Variants in CCDC179 observed in about 807,000 individuals in gnomAD.
CCDC179 encodes coiled-coil domain-containing protein 179.
Under a neutral mutation model 12.0 loss-of-function variants are expected in CCDC179, and 17 were observed. The observed-to-expected ratio is 1.42, with a 90% CI of 0.97 to 2.13. The LOEUF (loss-of-function observed/expected upper bound fraction) is 2.13. Ranked by LOEUF, CCDC179 falls within the 30% of genes most tolerant of loss-of-function variation. The pLI is 0.00. For missense variants in CCDC179, 83 were observed against 78.6 expected (o/e 1.06, Z -0.21); for synonymous variants, 27 against 26.4 (o/e 1.02, Z -0.07).
chr11:22,859,578 A>C, intron 1 of CCDC179, 82 bp from the exon 2 acceptor site: 1 of 747,940 alleles, frequency 1.3e-6, no homozygotes, highest in Non-Finnish European at 1.9e-6. Context: ...TAGGAAGCCT[A>C]TGCTACTTTT....
intron 3 of CCDC179, among the ~76,000 whole-genome samples, chr11:22,853,052 A>T (rs1858448430): frequency 6.6e-6 from 1 of 152,208 alleles, no homozygotes; most frequent in Admixed American, 6.5e-5. Context: ...ACCAAAAATA[A>T]GGAGGAAGAC....
intron 3 of CCDC179, among the ~76,000 whole-genome samples, chr11:22,853,229 G>C (rs1858453738): frequency 6.6e-6 from 1 of 152,052 alleles, no homozygotes; most frequent in Non-Finnish European, 1.5e-5. Context: ...AGAACTACAA[G>C]ACACACTAAA....
intron 3 of CCDC179, among the ~76,000 whole-genome samples, chr11:22,852,044 T>G (rs994127138): frequency 6.6e-6 from 1 of 152,184 alleles, no homozygotes; most frequent in African/African-American, 2.4e-5. Context: ...CTAAATAAAT[T>G]GGGTTTTACC....
chr11:22,859,422 C>A, intron 2 of CCDC179, 30 bp downstream of exon 2: 1 of 1,450,736 alleles, frequency 6.9e-7, no homozygotes, highest in Non-Finnish European at 9.1e-7. Flanking sequence ...GTTTAAACAA[C>A]CAGAACCTAG....
rs117375846 is a variant in CCDC179 at position 22,859,097 on chromosome 11, G to T, written c.90+355C>A. On this transcript the variant is annotated intron_variant, in intron 2 of 3. Coordinates refer to ENST00000532798, the MANE Select transcript of CCDC179 (RefSeq NM_001195637.2). ...GATGTAGCTAAAATTCAAGATGGAGGTCACCTCTGGGAGAGACCTTAGGAG... is the reference window on the plus strand; with the variant it reads ...GATGTAGCTAAAATTCAAGATGGAGTTCACCTCTGGGAGAGACCTTAGGAG... Among the ~76,000 whole-genome samples the T allele has an allele frequency of 5.2e-3, 788 of 152,130 alleles. 8 individuals carry two copies. The highest frequency in any genetic ancestry group is 8.6e-3 in the Non-Finnish European group (586 of 67,938).
intron 3 of CCDC179, among the ~76,000 whole-genome samples, chr11:22,853,557 C>A: frequency 6.6e-6 from 1 of 151,706 alleles, no homozygotes; most frequent in Non-Finnish European, 1.5e-5. Flanking sequence ...TAGAAACTTT[C>A]CAAACTAACG....
intron 3 of CCDC179, among the ~76,000 whole-genome samples, chr11:22,848,413 C>T (rs1205145763): frequency 2.0e-5 from 3 of 151,784 alleles, no homozygotes; most frequent in Admixed American, 6.6e-5. Flanking sequence ...CACTGCACCC[C>T]AGCCTGGCCG....
intron 3 of CCDC179, among the ~76,000 whole-genome samples, chr11:22,857,578 G>T (rs1858556656): frequency 6.6e-6 from 1 of 151,558 alleles, no homozygotes; most frequent in Admixed American, 6.6e-5. Flanking sequence ...ATACATAAGA[G>T]AACTAATGTG....
At chr11:22,851,794 C>G (rs1374052866) in intron 3 of CCDC179, among the ~76,000 whole-genome samples, 3 of 152,118 alleles carry the variant, frequency 2.0e-5, no homozygotes, top group Non-Finnish European at 4.4e-5. Context: ...GCTGGAGGCT[C>G]AGTATGCATG....
Position 22,846,975 on chromosome 11 carries a change from A to C in CCDC179, c.*535T>G, listed in dbSNP as rs1858236448. Reference sequence around the variant, plus strand: ...ATTTCATACCTAAAAGTAAAATTTTAATTCAATATTCAAATTTTACCTTAA... The same window carrying C: ...ATTTCATACCTAAAAGTAAAATTTTCATTCAATATTCAAATTTTACCTTAA... On this transcript the variant is annotated 3_prime_UTR_variant, in exon 4 of 4. Coordinates refer to ENST00000532798, the MANE Select transcript of CCDC179 (RefSeq NM_001195637.2). 6.6e-6 allele frequency: 1 copy of C among 152,100 alleles called. No homozygotes were observed. The highest frequency in any genetic ancestry group is 6.6e-5 in the Admixed American group (1 of 15,260). The allele number at this position is 152,100 out of a possible 1,614,324, so 9.4% of individuals were successfully genotyped here. A position where few individuals can be genotyped will look rare whatever the true frequency, so the allele number is the denominator to read the frequency against.
chr11:22,850,976 A>ACATATTTTTTTTTTTTTTTTTTTTTTTT (rs1858382219), intron 3 of CCDC179, among the ~76,000 whole-genome samples: 1 of 6,126 alleles, frequency 1.6e-4, no homozygotes, highest in Non-Finnish European at 4.4e-4. Context: ...ATATATATAT[A>ACATATTTTTTTTTTTTTTTTTTTTTTTT]TTTTTTTTTT....
chr11:22,850,976 A>ATATTTTTTTTTTTTTT (rs1554920538), intron 3 of CCDC179, among the ~76,000 whole-genome samples: 4 of 6,122 alleles, frequency 6.5e-4, no homozygotes, highest in Non-Finnish European at 8.8e-4. Context: ...ATATATATAT[A>ATATTTTTTTTTTTTTT]TTTTTTTTTT....
chr11:22,855,257 C>G (rs2134843534), intron 3 of CCDC179, among the ~76,000 whole-genome samples: 1 of 151,654 alleles, frequency 6.6e-6, no homozygotes, highest in East Asian at 1.9e-4. Context: ...ACAGTTTTCT[C>G]AAGACACATG....
chr11:22,854,925 T>C (rs1184360834), intron 3 of CCDC179, among the ~76,000 whole-genome samples: 1 of 151,876 alleles, frequency 6.6e-6, no homozygotes, highest in African/African-American at 2.4e-5. Context: ...ATTATTAATT[T>C]CAGACAAACA....
At position 22,859,491 on chromosome 11, in the gene CCDC179, T is replaced by C. The variant is rs2134855058; in HGVS notation, c.51A>G (p.Gly17=). The stretch of plus-strand genomic sequence containing the variant: ...CCTCTGAAGGATGATGTTGTCTTGG[T>C]CCTTCCTATATAATAAACAAAATTA... ...DIEPSQVNPE[G]PRQHHPSEVT... Residue 17 remains glycine, a synonymous_variant, in exon 2 of 4, where the codon GGA becomes GGG. Transcript: ENST00000532798. 1 of 1,492,984 alleles carries C rather than the reference T, an allele frequency of 6.7e-7. No homozygotes were observed. Among genetic ancestry groups the C allele is most frequent in the Non-Finnish European group, 8.9e-7 (1 of 1,122,694 alleles). 92.5% of individuals were successfully genotyped at this position (1,492,984 alleles called of 1,614,324 possible). A position where few individuals can be genotyped will look rare whatever the true frequency, so the allele number is the denominator to read the frequency against.
intron 3 of CCDC179, among the ~76,000 whole-genome samples, chr11:22,853,980 G>T (rs755303054): frequency 9.2e-5 from 14 of 151,882 alleles, no homozygotes; most frequent in Non-Finnish European, 1.5e-4. Flanking sequence ...ATAGGAACAT[G>T]AATAACAACA....
chr11:22,857,838 T>C, intron 3 of CCDC179, 84 bp downstream of exon 3: 1 of 648,078 alleles, frequency 1.5e-6, no homozygotes, highest in South Asian at 3.7e-5. Flanking sequence ...AAAAGAAAAT[T>C]TATAGTGAAT....
chr11:22,856,172 G>A (rs1309102381), intron 3 of CCDC179, among the ~76,000 whole-genome samples: 1 of 151,364 alleles, frequency 6.6e-6, no homozygotes, highest in Non-Finnish European at 1.5e-5. Context: ...CATTCTGTAA[G>A]GTGAGCATTA....
At chr11:22,856,457 A>G (rs1274406362) in intron 3 of CCDC179, among the ~76,000 whole-genome samples, 1 of 151,596 alleles carries the variant, frequency 6.6e-6, no homozygotes, top group African/African-American at 2.4e-5. Flanking sequence ...GACAAAATCC[A>G]GTACCCATTT....
Sources: gnomAD v4.1 joint callset for allele counts (sites outside exome capture counted in the v4.1 genomes callset) on GRCh38, gnomAD v4.1.1 for gene constraint, MANE v1.5 for transcripts, NCBI Gene and HGNC (gene_info 2026-07-23, HGNC 2026-07-21) for gene names.